Variants in ENPP2 observed in about 807,000 individuals in gnomAD.
ENPP2 encodes the protein autotaxin.
A neutral mutation model predicts 120.2 loss-of-function variants in ENPP2; 51 were observed. The observed-to-expected ratio is 0.42, with a 90% CI of 0.34 to 0.54. The LOEUF is 0.54. Ranked by LOEUF, ENPP2 falls within the 20% of genes least tolerant of loss-of-function variation. The pLI is 0.04. For missense variants in ENPP2, 920 were observed against 1,066.5 expected, an observed-to-expected ratio of 0.86 and a Z score of 1.91; for synonymous variants, 365 against 366.4, an observed-to-expected ratio of 1.00 and a Z score of 0.04.
At chr8:119,616,519 C>A (rs1394439021) in intron 7 of ENPP2, 135 bp from the exon 8 acceptor site, 1 of 517,120 alleles carries the variant, frequency 1.9e-6, no homozygotes, top group Admixed American at 3.3e-5. Context: ...ACATGTATAA[C>A]CTTCACTGTG....
intron 9 of ENPP2, among the ~76,000 whole-genome samples, chr8:119,605,426 A>ATGTG (rs1491174876): frequency 6.5e-5 from 9 of 138,466 alleles, no homozygotes; most frequent in African/African-American, 1.9e-4. Context: ...TGAAGATACC[A>ATGTG]TATATGTGTG....
intron 1 of ENPP2, among the ~76,000 whole-genome samples, chr8:119,673,078 G>T (rs1818299494): frequency 6.6e-6 from 1 of 152,180 alleles, no homozygotes; most frequent in Non-Finnish European, 1.5e-5. Flanking sequence ...GTTGAGCTCC[G>T]CATTTGCGCG....
chr8:119,626,844 T>C (rs1257802371), intron 2 of ENPP2, 124 bp from the exon 3 acceptor site: 1 of 826,786 alleles, frequency 1.2e-6, no homozygotes, highest in African/African-American at 1.7e-5. Context: ...CTGGCTCCAT[T>C]ACTTACTACC....
intron 1 of ENPP2, among the ~76,000 whole-genome samples, chr8:119,668,439 T>C (rs1338138289): frequency 2.1e-5 from 3 of 145,326 alleles, no homozygotes; most frequent in African/African-American, 7.6e-5. Context: ...CTTTTTTTTT[T>C]TTTTTTTTGA....
At chr8:119,659,443 G>A (rs1817861327) in intron 1 of ENPP2, among the ~76,000 whole-genome samples, 1 of 151,800 alleles carries the variant, frequency 6.6e-6, no homozygotes, top group Non-Finnish European at 1.5e-5. Context: ...AAACATGCTG[G>A]AAAAATTACA....
rs146680195 is a variant in ENPP2 at position 119,561,787 on chromosome 8, T to TTGTGTG, written c.2421+1064_2421+1069dup. Among the ~76,000 whole-genome samples, 205 of 149,136 alleles carry TTGTGTG rather than the reference T, an allele frequency of 1.4e-3. 2 individuals are homozygous for TTGTGTG. Among genetic ancestry groups the TTGTGTG allele is most frequent in the African/African-American group, 1.7e-3 (70 of 40,832 alleles). On this transcript the variant is annotated intron_variant, in intron 24 of 24. Transcript: ENST00000075322. Reference sequence around the variant, plus strand: ...GATTTCTTTCTCGCTTGCTCTTGCTTTGTGTGTGTGTGTGTGTGTGTGTGT... The same window carrying TTGTGTG: ...GATTTCTTTCTCGCTTGCTCTTGCTTTGTGTGTGTGTGTGTGTGTGTGTGTGTGTGT...
At chr8:119,663,980 T>C (rs1174494449) in intron 1 of ENPP2, among the ~76,000 whole-genome samples, 1 of 152,208 alleles carries the variant, frequency 6.6e-6, no homozygotes. Context: ...CCTATTTTGT[T>C]AGTAAACAAA....
chr8:119,564,672 C>T lies in ENPP2; in HGVS notation c.2264+151G>A, dbSNP rs574356388. Reference sequence around the variant, plus strand: ...CAGCCTGGGCAACAGAGCAAGACGCCGTCTCAAAAAAATATATATATATAT... The same window carrying T: ...CAGCCTGGGCAACAGAGCAAGACGCTGTCTCAAAAAAATATATATATATAT... On this transcript the variant is annotated intron_variant, in intron 23 of 24. Transcript: ENST00000075322. 9.0e-4 allele frequency: 256 copies of T among 283,328 alleles called. 1 individual carries two copies. Among genetic ancestry groups the T allele is most frequent in the Non-Finnish European group, 1.3e-3 (213 of 165,042 alleles). The allele number at this position is 283,328 out of a possible 1,614,324, so 17.6% of individuals were successfully genotyped here. A position where few individuals can be genotyped will look rare whatever the true frequency, so the allele number is the denominator to read the frequency against.
chr8:119,568,899 G>C (rs973208263), intron 21 of ENPP2, among the ~76,000 whole-genome samples: 50 of 152,136 alleles, frequency 3.3e-4, no homozygotes, highest in African/African-American at 1.2e-3. Context: ...GGTGGCTCAT[G>C]CCTGGCCTCA....
At chr8:119,671,911 CG>C (rs1489428602) in intron 1 of ENPP2, among the ~76,000 whole-genome samples, 1 of 151,998 alleles carries the variant, frequency 6.6e-6, no homozygotes, top group Admixed American at 6.6e-5. Flanking sequence ...GAAGGAAGCC[CG>C]GGAAGCATGG....
chr8:119,620,674 G>A lies in ENPP2; in HGVS notation c.418+720C>T, dbSNP rs563015148. On this transcript the variant is annotated intron_variant, in intron 4 of 24. Transcript: ENST00000075322. Reference sequence around the variant, plus strand: ...CACGGCAACTTAAACCCATTAAAGAGAATAACTGCATCTTTTATATTTTCT... The same window carrying A: ...CACGGCAACTTAAACCCATTAAAGAAAATAACTGCATCTTTTATATTTTCT... 1.6e-3 allele frequency among the ~76,000 whole-genome samples: 247 copies of A among 152,266 alleles called. 4 individuals are homozygous for A. The highest frequency in any genetic ancestry group is 4.6e-3 in the African/African-American group (193 of 41,560).
At chr8:119,659,136 A>G (rs1012489679) in intron 1 of ENPP2, among the ~76,000 whole-genome samples, 1 of 151,864 alleles carries the variant, frequency 6.6e-6, no homozygotes, top group African/African-American at 2.4e-5. Flanking sequence ...GCAACATGGC[A>G]AAACCCCATC....
chr8:119,632,577 T>C (rs1279765203), intron 2 of ENPP2, among the ~76,000 whole-genome samples: 2 of 152,218 alleles, frequency 1.3e-5, no homozygotes. Context: ...ATATATGACA[T>C]GTATAACAAC....
rs563736780 is a variant in ENPP2, at chr8:119,585,878, C to T, written c.1367+308G>A. ...AGCTCCCATTTATACTTTTGACTTACTCAAGTAGTAAGAATAGAGTTTAGA... is the reference window on the plus strand; with the variant it reads ...AGCTCCCATTTATACTTTTGACTTATTCAAGTAGTAAGAATAGAGTTTAGA... On this transcript the variant is annotated intron_variant, in intron 15 of 24. Transcript: ENST00000075322. 9.8e-4 allele frequency among the ~76,000 whole-genome samples: 149 copies of T among 151,848 alleles called. 3 individuals carry two copies. In the South Asian group the frequency reaches 0.016, roughly 17 times the overall value.
intron 3 of ENPP2, among the ~76,000 whole-genome samples, chr8:119,622,636 A>T (rs1030375464): frequency 3.3e-5 from 5 of 152,236 alleles, no homozygotes; most frequent in African/African-American, 1.2e-4. Context: ...GCAGACTGTA[A>T]GCCTGGGAGA....
chr8:119,613,728 T>A (rs1815267048), intron 8 of ENPP2, among the ~76,000 whole-genome samples: 1 of 152,198 alleles, frequency 6.6e-6, no homozygotes, highest in African/African-American at 2.4e-5. Context: ...AGTTTCTTTT[T>A]AATTACTTTT....
At chr8:119,604,184 C>A (rs554833344) in intron 9 of ENPP2, among the ~76,000 whole-genome samples, 1 of 151,966 alleles carries the variant, frequency 6.6e-6, no homozygotes, top group Admixed American at 6.6e-5. Context: ...CCTGCCACCA[C>A]GCCTGGCTAA....
At chr8:119,649,350 C>T (rs1263942729) in intron 1 of ENPP2, among the ~76,000 whole-genome samples, 9 of 147,404 alleles carry the variant, frequency 6.1e-5, no homozygotes, top group East Asian at 2.0e-4. Flanking sequence ...TGCAGTGAGC[C>T]GAGATCGTGC....
intron 19 of ENPP2, chr8:119,571,533 A>T (rs1018185169): frequency 1.3e-5 from 2 of 152,194 alleles, no homozygotes; most frequent in Non-Finnish European, 2.9e-5. Context: ...TAGGAAAAAA[A>T]AAGGTCTGAA....
Sources: gnomAD v4.1 joint callset for allele counts (sites outside exome capture counted in the v4.1 genomes callset) on GRCh38, gnomAD v4.1.1 for gene constraint, MANE v1.5 for transcripts, NCBI Gene and HGNC (gene_info 2026-07-23, HGNC 2026-07-21) for gene names.